Variants in GFOD1 observed in about 807,000 individuals in gnomAD.
The protein encoded by GFOD1 is glucose-fructose oxidoreductase domain-containing protein 1.
Under a neutral mutation model 25.4 loss-of-function variants are expected in GFOD1, and 9 were observed. The ratio of observed to expected loss-of-function variants is 0.35; its 90% confidence interval spans 0.21 to 0.62. The LOEUF (loss-of-function observed/expected upper bound fraction) is 0.62, where lower values mean the gene tolerates loss of function less well. Ranked by LOEUF, GFOD1 falls within the 20% of genes least tolerant of loss-of-function variation. The pLI, the probability that GFOD1 is intolerant of heterozygous loss-of-function variation, is 0.72. For missense variants in GFOD1, 403 were observed against 556.9 expected, an observed-to-expected ratio of 0.72 and a Z score of 2.78; for synonymous variants, 253 against 245.6, an observed-to-expected ratio of 1.03 and a Z score of -0.28.
chr6:13,460,421 T>C (rs1351837504), intron 1 of GFOD1, among the ~76,000 whole-genome samples: 3 of 152,140 alleles, frequency 2.0e-5, no homozygotes, highest in African/African-American at 7.2e-5. Flanking sequence ...CAAATCCCCA[T>C]CAATGATAGA....
At chr6:13,416,961 G>A (rs73366922) in intron 1 of GFOD1, among the ~76,000 whole-genome samples, 1 of 152,136 alleles carries the variant, frequency 6.6e-6, no homozygotes. Flanking sequence ...GAGCCTGGCT[G>A]AGACACTGCC....
rs151042717 is a variant in GFOD1 at position 13,366,576 on chromosome 6, C to T, written c.254-914G>A. ...GTCTGGAACTCCTGACCTCATGATC[C>T]GCCCACCTCAGCCTCCCAAAGTTCT... On this transcript the variant is annotated intron_variant, in intron 1 of 1. Coordinates refer to ENST00000379287, the MANE Select transcript of GFOD1 (RefSeq NM_018988.4). Among the ~76,000 whole-genome samples the T allele has an allele frequency of 2.8e-3, 421 of 152,214 alleles. 5 individuals carry two copies. The highest frequency in any genetic ancestry group is 9.4e-3 in the African/African-American group (389 of 41,524).
chr6:13,420,037 G>A, intron 1 of GFOD1, among the ~76,000 whole-genome samples: 1 of 152,182 alleles, frequency 6.6e-6, no homozygotes, highest in East Asian at 1.9e-4. Context: ...GCAGGACGTG[G>A]TCTGCCTGTT....
chr6:13,426,229 G>T (rs1274142656), intron 1 of GFOD1, among the ~76,000 whole-genome samples: 1 of 152,224 alleles, frequency 6.6e-6, no homozygotes, highest in South Asian at 2.1e-4. Context: ...TCCTAGGAGG[G>T]AGTTCTGGGC....
intron 1 of GFOD1, among the ~76,000 whole-genome samples, chr6:13,417,578 G>T (rs1786183359): frequency 1.3e-5 from 2 of 152,208 alleles, no homozygotes; most frequent in African/African-American, 4.8e-5. Context: ...AAGTCCTAGT[G>T]CTATTTAGCA....
chr6:13,398,910 CGTT>C (rs1242424237), intron 1 of GFOD1, among the ~76,000 whole-genome samples: 29 of 152,170 alleles, frequency 1.9e-4, no homozygotes, highest in Admixed American at 5.2e-4. Flanking sequence ...TGATTTGACT[CGTT>C]GTTATTTTTT....
At chr6:13,486,444 A>T in intron 1 of GFOD1, 194 bp downstream of exon 1, 1 of 620,766 alleles carries the variant, frequency 1.6e-6, no homozygotes, top group South Asian at 2.0e-5. Context: ...GGCAGGAGGG[A>T]AGCGCAAAGG....
chr6:13,374,684 A>T (rs1029528163), intron 1 of GFOD1, among the ~76,000 whole-genome samples: 8 of 146,572 alleles, frequency 5.5e-5, no homozygotes, highest in Admixed American at 5.4e-4. Context: ...CATATAATGT[A>T]TAGTGATCAG....
intron 1 of GFOD1, among the ~76,000 whole-genome samples, chr6:13,410,950 C>T (rs886477300): frequency 1.3e-5 from 2 of 152,164 alleles, no homozygotes; most frequent in Admixed American, 6.5e-5. Flanking sequence ...TTTAATTTCA[C>T]GGATGCAGAA....
chr6:13,366,473 T>C (rs940045618), intron 1 of GFOD1, among the ~76,000 whole-genome samples: 73 of 152,120 alleles, frequency 4.8e-4, no homozygotes, highest in African/African-American at 1.7e-3. Context: ...GTAGTTGAGA[T>C]TACAGGCGCC....
At chr6:13,437,966 A>C (rs1757859649) in intron 1 of GFOD1, among the ~76,000 whole-genome samples, 1 of 152,242 alleles carries the variant, frequency 6.6e-6, no homozygotes, top group Admixed American at 6.5e-5. Flanking sequence ...ATAAAATAAA[A>C]TATGGAAAGA....
intron 1 of GFOD1, among the ~76,000 whole-genome samples, chr6:13,431,511 T>G (rs1343264014): frequency 6.6e-6 from 1 of 152,232 alleles, no homozygotes; most frequent in Non-Finnish European, 1.5e-5. Context: ...TTTAAAGTCA[T>G]ACGCTGAAAG....
At chr6:13,426,106 C>A (rs1046907270) in intron 1 of GFOD1, among the ~76,000 whole-genome samples, 1 of 152,182 alleles carries the variant, frequency 6.6e-6, no homozygotes, top group Non-Finnish European at 1.5e-5. Context: ...GCACACGATG[C>A]GAGATGCAAA....
At chr6:13,469,916 G>C (rs1447251661) in intron 1 of GFOD1, 2 of 1,299,546 alleles carry the variant, frequency 1.5e-6, no homozygotes, top group Non-Finnish European at 2.0e-6. Context: ...TCCATAGAAT[G>C]CTAGTTTCTC....
intron 1 of GFOD1, among the ~76,000 whole-genome samples, chr6:13,366,517 G>T (rs1015026791): frequency 6.6e-6 from 1 of 152,114 alleles, no homozygotes; most frequent in Admixed American, 6.5e-5. Context: ...TGTATTTTTA[G>T]TAGAGATGGG....
intron 1 of GFOD1, among the ~76,000 whole-genome samples, chr6:13,406,531 G>A (rs757064224): frequency 7.2e-5 from 11 of 152,166 alleles, no homozygotes; most frequent in East Asian, 1.9e-4. Flanking sequence ...AGAAGAGAGC[G>A]AGAGCACAAT....
chr6:13,380,499 G>A (rs547214804), intron 1 of GFOD1, among the ~76,000 whole-genome samples: 73 of 152,284 alleles, frequency 4.8e-4, no homozygotes, highest in African/African-American at 1.7e-3. Flanking sequence ...TCATGATGGG[G>A]TGCTGGCGGG....
intron 1 of GFOD1, among the ~76,000 whole-genome samples, chr6:13,482,734 C>T (rs1021074907): frequency 1.3e-5 from 2 of 151,934 alleles, no homozygotes; most frequent in East Asian, 1.9e-4. Context: ...GGCAACAGAG[C>T]GAGGCTCCGT....
chr6:13,480,736 C>A (rs1288997553), intron 1 of GFOD1, among the ~76,000 whole-genome samples: 1 of 152,164 alleles, frequency 6.6e-6, no homozygotes, highest in Non-Finnish European at 1.5e-5. Flanking sequence ...ATCCTCCTGC[C>A]TCCGTCTCCC....
Sources: gnomAD v4.1 joint callset for allele counts (sites outside exome capture counted in the v4.1 genomes callset) on GRCh38, gnomAD v4.1.1 for gene constraint, MANE v1.5 for transcripts, NCBI Gene and HGNC (gene_info 2026-07-23, HGNC 2026-07-21) for gene names.